The following CCNJL variants were observed in gnomAD, a reference collection of about 807,000 sequenced individuals.
CCNJL encodes the protein cyclin-J-like protein.
A neutral mutation model predicts 33.4 loss-of-function variants in CCNJL; 33 were observed. The observed-to-expected ratio is 0.99, with a 90% CI of 0.75 to 1.32. The LOEUF (loss-of-function observed/expected upper bound fraction) is 1.32, where lower values mean the gene tolerates loss of function less well. Among genes scored for constraint, CCNJL ranks in the 40% most tolerant of loss-of-function variants. The pLI, the probability that CCNJL is intolerant of heterozygous loss-of-function variation, is 0.00. For missense variants in CCNJL, 512 were observed against 499.7 expected (o/e 1.02, Z -0.23); for synonymous variants, 227 against 220.9 (o/e 1.03, Z -0.24).
At chr5:160,330,449 C>G (rs752966895) in intron 1 of CCNJL, among the ~76,000 whole-genome samples, 4 of 152,178 alleles carry the variant, frequency 2.6e-5, no homozygotes, top group Non-Finnish European at 5.9e-5. Flanking sequence ...CCTGCCGCCT[C>G]CGCACCATGG....
At chr5:160,254,197 T>C in intron 5 of CCNJL, 1 of 518,266 alleles carries the variant, frequency 1.9e-6, no homozygotes, top group Non-Finnish European at 3.4e-6. Flanking sequence ...ACTGGAGTGT[T>C]CCTGGGGCCT....
chr5:160,297,959 G>A (rs1438013837), intron 2 of CCNJL, among the ~76,000 whole-genome samples: 1 of 152,144 alleles, frequency 6.6e-6, no homozygotes, highest in African/African-American at 2.4e-5. Context: ...GCTGCCCAGG[G>A]TGTCAGCTCT....
upstream of CCNJL, among the ~76,000 whole-genome samples, chr5:160,317,485 C>T (rs1763392896): frequency 6.6e-6 from 1 of 152,148 alleles, no homozygotes; most frequent in Admixed American, 6.6e-5. Context: ...GCAGAGGAGA[C>T]ACATGATAAG....
At chr5:160,329,350 CTTT>C (rs1164893806) in intron 1 of CCNJL, among the ~76,000 whole-genome samples, 10 of 133,010 alleles carry the variant, frequency 7.5e-5, no homozygotes, top group Non-Finnish European at 3.2e-5. Context: ...AGGAAGTCTT[CTTT>C]TTTTTTTTTT....
At chr5:160,256,619 A>C (rs561758485) in intron 4 of CCNJL, among the ~76,000 whole-genome samples, 1 of 152,182 alleles carries the variant, frequency 6.6e-6, no homozygotes, top group Non-Finnish European at 1.5e-5. Flanking sequence ...CTGTTGTCTT[A>C]AATTGTTCAT....
chr5:160,331,178 A>G (rs2113481752), intron 1 of CCNJL, among the ~76,000 whole-genome samples: 1 of 149,622 alleles, frequency 6.7e-6, no homozygotes, highest in East Asian at 2.0e-4. Flanking sequence ...CCCAGACCCC[A>G]GTTATCCTTG....
intron 3 of CCNJL, among the ~76,000 whole-genome samples, chr5:160,265,029 A>G (rs1010099527): frequency 2.0e-5 from 3 of 152,190 alleles, no homozygotes; most frequent in Admixed American, 6.5e-5. Flanking sequence ...CACTGCCTTT[A>G]AAAAAGCCCG....
chr5:160,337,497 G>C (rs1157845693), intron 1 of CCNJL, among the ~76,000 whole-genome samples: 1 of 152,150 alleles, frequency 6.6e-6, no homozygotes, highest in Non-Finnish European at 1.5e-5. Context: ...GTGGTTACCA[G>C]TTCTGCAGGG....
At chr5:160,283,525 T>G (rs1465333434) in intron 2 of CCNJL, among the ~76,000 whole-genome samples, 1 of 152,312 alleles carries the variant, frequency 6.6e-6, no homozygotes, top group East Asian at 1.9e-4. Flanking sequence ...TAGATTTGTG[T>G]GGTACAGGAG....
At chr5:160,261,477 C>T (rs1392424786) in intron 3 of CCNJL, 1 of 152,318 alleles carries the variant, frequency 6.6e-6, no homozygotes, top group African/African-American at 2.4e-5. Context: ...CCGAAGTACA[C>T]ACTTTCTTGT....
At chr5:160,314,933 C>A (rs1378007154), upstream of CCNJL, among the ~76,000 whole-genome samples, 1 of 152,060 alleles carries the variant, frequency 6.6e-6, no homozygotes. Flanking sequence ...TAAATTAAGA[C>A]CATCTTTCTG....
At chr5:160,271,702 T>C (rs1761840341) in intron 3 of CCNJL, among the ~76,000 whole-genome samples, 1 of 152,266 alleles carries the variant, frequency 6.6e-6, no homozygotes, top group South Asian at 2.1e-4. Context: ...CAAACGTCAC[T>C]GATTAGAGAA....
At chr5:160,273,841 G>T (rs1761920910) in intron 3 of CCNJL, among the ~76,000 whole-genome samples, 1 of 151,774 alleles carries the variant, frequency 6.6e-6, no homozygotes, top group African/African-American at 2.4e-5. Flanking sequence ...TAGAGAAGGG[G>T]TTTCCCCATG....
At chr5:160,285,935 C>T (rs945087525) in intron 2 of CCNJL, among the ~76,000 whole-genome samples, 9 of 152,234 alleles carry the variant, frequency 5.9e-5, no homozygotes, top group Non-Finnish European at 1.2e-4. Context: ...CAGCTCCTCT[C>T]AACAGTGCTC....
chr5:160,314,484 A>T (rs2113466818), upstream of CCNJL, among the ~76,000 whole-genome samples: 1 of 152,354 alleles, frequency 6.6e-6, no homozygotes, highest in Admixed American at 6.5e-5. Context: ...AACTACAAAC[A>T]AGCAAATCAC....
At chr5:160,255,761 C>A in intron 4 of CCNJL, 53 bp from the exon 5 acceptor site, 3 of 1,522,910 alleles carry the variant, frequency 2.0e-6, no homozygotes, top group Non-Finnish European at 2.7e-6. Flanking sequence ...CTTGGAATCC[C>A]AGGCCCACCC....
chr5:160,331,153 T>C (rs1763602351), intron 1 of CCNJL, among the ~76,000 whole-genome samples: 1 of 151,728 alleles, frequency 6.6e-6, no homozygotes, highest in Admixed American at 6.6e-5. Context: ...TCTTTCCAGC[T>C]CACCCTCACT....
chr5:160,295,603 AACAGAG>A (rs1256904684), intron 2 of CCNJL, among the ~76,000 whole-genome samples: 1 of 152,196 alleles, frequency 6.6e-6, no homozygotes, highest in Non-Finnish European at 1.5e-5. Context: ...AGGAAGAGTA[AACAGAG>A]ACAGAGACAC....
chr5:160,283,380 G>A (rs1287409751), intron 2 of CCNJL, among the ~76,000 whole-genome samples: 1 of 152,116 alleles, frequency 6.6e-6, no homozygotes, highest in East Asian at 1.9e-4. Context: ...TGGGTATGGG[G>A]TTTCTTTTTG....
Sources: allele counts gnomAD v4.1 joint callset (sites outside exome capture counted in the v4.1 genomes callset), GRCh38; gene constraint gnomAD v4.1.1; transcripts MANE v1.5; gene names NCBI Gene and HGNC (gene_info 2026-07-23, HGNC 2026-07-21).